The following KIF15 variants were observed in gnomAD, a reference collection of about 807,000 sequenced individuals.
KIF15 encodes kinesin-like protein KIF15.
Under a neutral mutation model 190.6 loss-of-function variants are expected in KIF15, and 140 were observed. The ratio of observed to expected loss-of-function variants is 0.73; its 90% CI spans 0.64 to 0.84. The LOEUF is 0.84. Ranked by LOEUF, KIF15 falls within the 40% of genes least tolerant of loss-of-function variation. KIF15 has a pLI of 0.00. For synonymous variants in KIF15, 528 were observed against 551.3 expected, an observed-to-expected ratio of 0.96 and a Z score of 0.59; for missense variants, 1,372 against 1,584.4, an observed-to-expected ratio of 0.87 and a Z score of 2.28.
At chr3:44,798,417 G>A (rs1707099743) in intron 10 of KIF15, among the ~76,000 whole-genome samples, 1 of 151,650 alleles carries the variant, frequency 6.6e-6, no homozygotes, top group Admixed American at 6.6e-5. Context: ...CCAGGCTAGA[G>A]TGCAGTGGTG....
At chr3:44,768,652 C>G (rs926517211) in intron 1 of KIF15, among the ~76,000 whole-genome samples, 2 of 152,148 alleles carry the variant, frequency 1.3e-5, no homozygotes, top group Non-Finnish European at 2.9e-5. Context: ...CTATCATTCC[C>G]CACTCTAAAG....
At chr3:44,770,482 T>G (rs930119137) in intron 1 of KIF15, among the ~76,000 whole-genome samples, 1 of 152,152 alleles carries the variant, frequency 6.6e-6, no homozygotes, top group African/African-American at 2.4e-5. Flanking sequence ...TGTTAAAAAG[T>G]GACACTTCTT....
intron 26 of KIF15, among the ~76,000 whole-genome samples, chr3:44,831,786 CTT>C (rs893050257): frequency 1.3e-5 from 2 of 152,084 alleles, no homozygotes; most frequent in African/African-American, 2.4e-5. Flanking sequence ...TTTTCAGTTT[CTT>C]GTGTAACTTT....
At chr3:44,843,633 G>C (rs989443065) in intron 30 of KIF15, among the ~76,000 whole-genome samples, 1 of 152,210 alleles carries the variant, frequency 6.6e-6, no homozygotes, top group Non-Finnish European at 1.5e-5. Context: ...GGCAGGACAA[G>C]AAGGATATCC....
chr3:44,767,634 G>A (rs1204916746), intron 1 of KIF15, among the ~76,000 whole-genome samples: 4 of 118,260 alleles, frequency 3.4e-5, no homozygotes, highest in Non-Finnish European at 5.6e-5. Context: ...GGTGGCTCAC[G>A]CCTGTAATCC....
intron 14 of KIF15, among the ~76,000 whole-genome samples, chr3:44,804,140 G>A (rs571288629): frequency 1.3e-5 from 2 of 152,232 alleles, no homozygotes; most frequent in South Asian, 2.1e-4. Flanking sequence ...GAGCCCCAAC[G>A]CCTGACTTAG....
chr3:44,775,455 C>T lies in KIF15; in HGVS notation c.246+18C>T. 6.6e-7 allele frequency: 1 copy of T among 1,522,052 alleles called. No homozygotes were observed. The highest frequency in any genetic ancestry group is 8.8e-7 in the Non-Finnish European group (1 of 1,134,086). 94.3% of individuals were successfully genotyped at this position (1,522,052 alleles called of 1,614,324 possible). On this transcript the variant is annotated intron_variant, in intron 3 of 34. Coordinates refer to ENST00000326047, the MANE Select transcript of KIF15 (RefSeq NM_020242.3). ...CCACTCAGGTAATGATAATTAGAAA[C>T]TTAACTTTTTTTTTTTTTTGAAAAG...
In KIF15 at chr3:44,841,147, A is replaced by AT; in HGVS notation, c.3495dup (p.Gly1166TrpfsTer5). The AT allele has an allele frequency of 6.2e-7, 1 of 1,613,384 alleles. No homozygotes were observed. The highest frequency in any genetic ancestry group is 2.2e-5 in the East Asian group (1 of 44,862). On this transcript the variant is annotated frameshift_variant, in exon 29 of 35. Transcript: ENST00000326047. LOFTEE classifies it high-confidence loss of function. ...GAAACACAAGAACAAGAGATAGAAG[A>AT]TGGAAGAGCCTCTAAGACTTCTTTG...
At chr3:44,812,377 C>A in intron 18 of KIF15, 88 bp downstream of exon 18, 2 of 878,946 alleles carry the variant, frequency 2.3e-6, no homozygotes, top group Non-Finnish European at 1.9e-6. Context: ...CTCAAACATC[C>A]TTGAGTATGC....
chr3:44,842,965 C>T (rs1246559057), intron 29 of KIF15, among the ~76,000 whole-genome samples, 160 bp from the exon 30 acceptor site: 1 of 151,934 alleles, frequency 6.6e-6, no homozygotes, highest in African/African-American at 2.4e-5. Context: ...TCTAGGCCTC[C>T]AATAGCTTGT....
intron 6 of KIF15, chr3:44,864,368 T>C: frequency 6.2e-7 from 1 of 1,613,724 alleles, no homozygotes; most frequent in Non-Finnish European, 8.5e-7. Context: ...GGTGTGGTGC[T>C]CTTGTCCTAA....
At chr3:44,794,478 C>A in intron 8 of KIF15, 52 bp downstream of exon 8, 1 of 1,369,952 alleles carries the variant, frequency 7.3e-7, no homozygotes, top group South Asian at 1.4e-5. Flanking sequence ...TACTAGCAGT[C>A]AATACAGTCG....
chr3:44,854,300 G>A (rs567588197), downstream of KIF15, among the ~76,000 whole-genome samples: 74 of 151,338 alleles, frequency 4.9e-4, no homozygotes, highest in African/African-American at 1.7e-3. Flanking sequence ...CACAAGAATC[G>A]CTTGAACCCG....
In KIF15 at chr3:44,802,880, A is replaced by C. The variant is rs1274897519; in HGVS notation, c.1576A>C (p.Arg526=). 6.2e-7 allele frequency: 1 copy of C among 1,612,276 alleles called. No individual in the cohort carries two copies. Residue 526 remains arginine (R), a synonymous_variant, in exon 14 of 35, where the codon AGA becomes CGA. Transcript: ENST00000326047. ...ENHSLREENR[R]LRLLEPVKRA... ...TCATTCCCTCAGGGAGGAGAATAGAAGACTGAGATTATTAGAGCCTGTGAA... is the reference window on the plus strand; with the variant it reads ...TCATTCCCTCAGGGAGGAGAATAGACGACTGAGATTATTAGAGCCTGTGAA...
chr3:44,808,155 G>A (rs1171495447), intron 16 of KIF15, among the ~76,000 whole-genome samples: 1 of 152,068 alleles, frequency 6.6e-6, no homozygotes, highest in Non-Finnish European at 1.5e-5. Context: ...TGAAGTTTTT[G>A]TAAGAAATTA....
At position 44,802,921 on chromosome 3, in the gene KIF15, G is replaced by A. The variant is rs745334778; in HGVS notation, c.1617G>A (p.Met539Ile). The change falls in exon 14 of 35, where the codon ATG becomes ATA. Residue 539 changes from methionine (M) to isoleucine (I), a missense_variant. Met to Ile is a conservative substitution (Grantham distance 10). Coordinates refer to ENST00000326047, the MANE Select transcript of KIF15 (RefSeq NM_020242.3). ...AGCCTGTGAAAAGAGCTCAAGAAATGGATGCCCAGACCATTGCAAAACTAG... is the reference window on the plus strand; with the variant it reads ...AGCCTGTGAAAAGAGCTCAAGAAATAGATGCCCAGACCATTGCAAAACTAG... ...LLEPVKRAQE[M>I]DAQTIAKLEK... The A allele has an allele frequency of 6.2e-7, 1 of 1,612,368 alleles. No individual in the cohort carries two copies. Among genetic ancestry groups the A allele is most frequent in the Non-Finnish European group, 8.5e-7 (1 of 1,179,640 alleles).
At chr3:44,777,373 T>A (rs1575581915) in intron 3 of KIF15, among the ~76,000 whole-genome samples, 7 of 152,276 alleles carry the variant, frequency 4.6e-5, no homozygotes, top group Admixed American at 6.5e-5. Context: ...ATCTTTTTTT[T>A]ATGTGGAGCA....
intron 30 of KIF15, among the ~76,000 whole-genome samples, chr3:44,846,126 C>T (rs944969388): frequency 6.6e-6 from 1 of 152,140 alleles, no homozygotes; most frequent in African/African-American, 2.4e-5. Flanking sequence ...ATGGCAGTGG[C>T]AGAAGGTTTT....
chr3:44,836,174 C>G (rs1263539167), intron 26 of KIF15, among the ~76,000 whole-genome samples: 2 of 152,058 alleles, frequency 1.3e-5, no homozygotes, highest in African/African-American at 2.4e-5. Flanking sequence ...TGACGAAACC[C>G]CATCTCTACT....
Sources: gnomAD v4.1 joint callset for allele counts (sites outside exome capture counted in the v4.1 genomes callset) on GRCh38, gnomAD v4.1.1 for gene constraint, MANE v1.5 for transcripts, NCBI Gene and HGNC (gene_info 2026-07-23, HGNC 2026-07-21) for gene names.